Variants in CAMK4 observed in about 807,000 individuals in gnomAD.
The protein encoded by CAMK4 is calcium/calmodulin dependent protein kinase IV.
A neutral mutation model predicts 44.9 loss-of-function variants in CAMK4; 22 were observed. That is an observed-to-expected ratio of 0.49 (90% CI 0.35 to 0.70). The LOEUF is 0.70. CAMK4 is among the 30% of genes least tolerant of loss of function. The probability of loss-of-function intolerance (pLI) is 0.01; values close to 1 mark genes in which losing one functional copy is unlikely to be tolerated. For synonymous variants in CAMK4, 218 were observed against 215.4 expected (o/e 1.01, Z -0.11); for missense variants, 498 against 586.8 (o/e 0.85, Z 1.56).
At position 111,445,091 on chromosome 5, in the gene CAMK4, C is replaced by A. The variant is rs1447711955; in HGVS notation, c.460-1595C>A. ...CTTGACTCCACAACTGCACCTGCTT[C>A]CAGGTATCTGTCCTAGAAAAATACC... is the stretch of plus-strand genomic sequence containing the variant. On this transcript the variant is annotated intron_variant, in intron 5 of 10. Coordinates refer to ENST00000282356, the MANE Select transcript of CAMK4 (RefSeq NM_001744.6). Among the ~76,000 whole-genome samples the A allele has an allele frequency of 2.0e-5, 3 of 152,174 alleles. No homozygotes were observed. The East Asian group carries it at 5.8e-4, about 29-fold the overall frequency.
intron 2 of CAMK4, among the ~76,000 whole-genome samples, chr5:111,360,468 C>A (rs10500206): frequency 0.047 from 7,133 of 152,124 alleles, 577 homozygotes; most frequent in African/African-American, 0.16. Context: ...ATACTGAACA[C>A]ACACTCAGAG....
At chr5:111,357,395 A>G (rs1750409148) in intron 2 of CAMK4, among the ~76,000 whole-genome samples, 1 of 152,162 alleles carries the variant, frequency 6.6e-6, no homozygotes, top group Non-Finnish European at 1.5e-5. Context: ...GACACAGGCT[A>G]TCAGCCTCAA....
intron 2 of CAMK4, among the ~76,000 whole-genome samples, chr5:111,362,389 A>G (rs1580652493): frequency 6.6e-6 from 1 of 152,068 alleles, no homozygotes; most frequent in Non-Finnish European, 1.5e-5. Context: ...GGTGTTTTAC[A>G]TTCTGCTTAT....
intron 1 of CAMK4, among the ~76,000 whole-genome samples, chr5:111,238,263 T>C (rs1423284006): frequency 2.0e-5 from 3 of 152,248 alleles, no homozygotes; most frequent in South Asian, 2.1e-4. Context: ...GCCCATCTTA[T>C]GGAATGAATG....
At position 111,386,119 on chromosome 5, in the gene CAMK4, T is replaced by C. The variant is rs143686541; in HGVS notation, c.387-8591T>C. ...AAAAGTATATGAACTTGACATTCTT[T>C]GGCAAGAAAGTTTTTACAGAAAGCA... is the stretch of plus-strand genomic sequence containing the variant. On this transcript the variant is annotated intron_variant, in intron 4 of 10. Transcript: ENST00000282356. Among the ~76,000 whole-genome samples, 583 of 152,278 alleles carry C rather than the reference T, an allele frequency of 3.8e-3. 5 individuals are homozygous for C. The highest frequency in any genetic ancestry group is 6.7e-3 in the Non-Finnish European group (454 of 68,028).
At chr5:111,281,202 C>T (rs1751000173) in intron 1 of CAMK4, among the ~76,000 whole-genome samples, 1 of 152,090 alleles carries the variant, frequency 6.6e-6, no homozygotes, top group Non-Finnish European at 1.5e-5. Context: ...TCTAGAAATC[C>T]AAAAATTTCT....
chr5:111,349,270 G>A (rs1372138041), intron 2 of CAMK4, among the ~76,000 whole-genome samples: 3 of 151,868 alleles, frequency 2.0e-5, no homozygotes, highest in African/African-American at 7.3e-5. Context: ...TGTGATTATC[G>A]GTGGAAATTT....
At chr5:111,252,061 G>A (rs558467017) in intron 1 of CAMK4, among the ~76,000 whole-genome samples, 1 of 152,324 alleles carries the variant, frequency 6.6e-6, no homozygotes, top group South Asian at 2.1e-4. Context: ...AAGCATCTGG[G>A]CTAGGGCAGA....
At chr5:111,282,715 A>T (rs1378006029) in intron 1 of CAMK4, among the ~76,000 whole-genome samples, 1 of 152,200 alleles carries the variant, frequency 6.6e-6, no homozygotes, top group Non-Finnish European at 1.5e-5. Flanking sequence ...ACTTTTTTTC[A>T]ACAATATGTT....
chr5:111,315,605 T>G (rs537340916), intron 1 of CAMK4, among the ~76,000 whole-genome samples: 1 of 152,330 alleles, frequency 6.6e-6, no homozygotes, highest in South Asian at 2.1e-4. Context: ...TCATTTTTTT[T>G]GTATATAAAG....
At position 111,370,430 on chromosome 5, in the gene CAMK4, A is replaced by G. The variant is rs79293962; in HGVS notation, c.241-4420A>G. Among the ~76,000 whole-genome samples the G allele has an allele frequency of 1.9e-3, 288 of 152,304 alleles. 1 individual carries two copies. Among genetic ancestry groups the G allele is most frequent in the African/African-American group, 6.5e-3 (270 of 41,570 alleles). On this transcript the variant is annotated intron_variant, in intron 2 of 10. Coordinates refer to ENST00000282356, the MANE Select transcript of CAMK4 (RefSeq NM_001744.6). The stretch of plus-strand genomic sequence containing the variant: ...TGTGAAAAAATTAAAGGATTCTACT[A>G]TCACACTTTACATTGATCAGAAATA...
At chr5:111,460,879 G>C (rs1347674975) in intron 7 of CAMK4, among the ~76,000 whole-genome samples, 1 of 151,364 alleles carries the variant, frequency 6.6e-6, no homozygotes, top group Non-Finnish European at 1.5e-5. Context: ...GAAAGCACTA[G>C]GTATTCTCAA....
intron 5 of CAMK4, among the ~76,000 whole-genome samples, chr5:111,418,598 C>G (rs557060605): frequency 6.6e-6 from 1 of 150,848 alleles, no homozygotes; most frequent in East Asian, 2.0e-4. Context: ...CCACCTCCCC[C>G]CACCCCACAA....
chr5:111,424,514 G>A (rs1250119684), intron 5 of CAMK4, among the ~76,000 whole-genome samples: 3 of 137,496 alleles, frequency 2.2e-5, no homozygotes, highest in East Asian at 4.3e-4. Flanking sequence ...GTGTGATCTC[G>A]GCTCACTGCA....
At chr5:111,477,974 C>G (rs1319115428) in intron 8 of CAMK4, among the ~76,000 whole-genome samples, 1 of 152,066 alleles carries the variant, frequency 6.6e-6, no homozygotes, top group African/African-American at 2.4e-5. Flanking sequence ...AATTGGAAGT[C>G]TATTCAATCT....
intron 1 of CAMK4, chr5:111,302,579 G>C (rs1312463061): frequency 1.4e-5 from 1 of 69,096 alleles, no homozygotes; most frequent in Non-Finnish European, 2.7e-5. Flanking sequence ...TCCCACACCT[G>C]GCTCAGAGGG....
intron 5 of CAMK4, among the ~76,000 whole-genome samples, chr5:111,405,864 T>A (rs1000595517): frequency 1.3e-5 from 2 of 152,156 alleles, no homozygotes; most frequent in African/African-American, 4.8e-5. Context: ...AGTTTTTGAG[T>A]ATGTGAATGA....
intron 1 of CAMK4, among the ~76,000 whole-genome samples, chr5:111,257,545 G>A (rs1176076242): frequency 2.0e-5 from 3 of 152,172 alleles, no homozygotes; most frequent in African/African-American, 4.8e-5. Context: ...TACACTGTTG[G>A]TGGGAATGTA....
At chr5:111,355,372 A>G (rs1338861710) in intron 2 of CAMK4, among the ~76,000 whole-genome samples, 2 of 152,118 alleles carry the variant, frequency 1.3e-5, no homozygotes, top group East Asian at 3.9e-4. Context: ...TGTATGCTTT[A>G]CCATTCAAGA....
Sources: gnomAD v4.1 joint callset for allele counts (sites outside exome capture counted in the v4.1 genomes callset) on GRCh38, gnomAD v4.1.1 for gene constraint, MANE v1.5 for transcripts, NCBI Gene and HGNC (gene_info 2026-07-23, HGNC 2026-07-21) for gene names.